The following TTLL1 variants were observed in gnomAD, a reference collection of about 807,000 sequenced individuals.
TTLL1 encodes TTL family tubulin polyglutamylase complex subunit L1, also known as polyglutamylase complex subunit TTLL1.
A neutral mutation model predicts 47.8 loss-of-function variants in TTLL1; 33 were observed. The ratio of observed to expected loss-of-function variants is 0.69; its 90% CI spans 0.52 to 0.92. The LOEUF (loss-of-function observed/expected upper bound fraction) is 0.92, where lower values mean the gene tolerates loss of function less well. Among genes scored for constraint, TTLL1 ranks in the 40% least tolerant of loss-of-function variants. The probability of loss-of-function intolerance (pLI) is 0.00; values close to 1 mark genes in which losing one functional copy is unlikely to be tolerated. For missense variants in TTLL1, 488 were observed against 547.5 expected, an observed-to-expected ratio of 0.89 and a Z score of 1.08; for synonymous variants, 225 against 214.1, an observed-to-expected ratio of 1.05 and a Z score of -0.45.
intron 8 of TTLL1, 159 bp from the exon 9 acceptor site, chr22:43,052,046 C>T (rs1293715114): frequency 4.6e-6 from 3 of 657,034 alleles, no homozygotes; most frequent in South Asian, 1.7e-5. Context: ...CTCCCTCTTC[C>T]TCCCGCAGAG....
intron 7 of TTLL1, among the ~76,000 whole-genome samples, chr22:43,061,312 C>T (rs1182869633): frequency 6.6e-6 from 1 of 152,254 alleles, no homozygotes; most frequent in East Asian, 1.9e-4. Flanking sequence ...GTGGAAGCCA[C>T]TTGGCCCCGG....
At chr22:43,074,715 CAAAAAAGA>C (rs1417242041) in intron 3 of TTLL1, among the ~76,000 whole-genome samples, 1 of 151,376 alleles carries the variant, frequency 6.6e-6, no homozygotes, top group Non-Finnish European at 1.5e-5. Context: ...GCTTTATGAC[CAAAAAAGA>C]AAAAAAGAAT....
rs1206806947 is a variant in TTLL1, at chr22:43,046,517, G to A, written c.1035C>T (p.Tyr345=). The change falls in exon 10 of 11, where the codon TAC becomes TAT. Residue 345 remains tyrosine (Y), a synonymous_variant. Coordinates refer to ENST00000266254, the MANE Select transcript of TTLL1 (RefSeq NM_012263.5). The part of the protein sequence containing the change: ...SSTANDRILK[Y]NLINDTLNIA... ...TGTTGAGGGTGTCATTAATCAGGTT[G>A]TACTTGAGGATTCGGTCATTGGCAG... 2.5e-6 allele frequency: 4 copies of A among 1,614,134 alleles called. No homozygotes were observed. The highest frequency in any genetic ancestry group is 3.4e-6 in the Non-Finnish European group (4 of 1,180,028).
chr22:43,060,758 AT>A (rs1301750229), intron 7 of TTLL1, among the ~76,000 whole-genome samples: 2 of 152,232 alleles, frequency 1.3e-5, no homozygotes, highest in African/African-American at 4.8e-5. Flanking sequence ...GAGCTAGAAA[AT>A]ACCCAAATGT....
chr22:43,044,100 C>T (rs1480044392), intron 10 of TTLL1, among the ~76,000 whole-genome samples: 5 of 152,082 alleles, frequency 3.3e-5, no homozygotes, highest in Non-Finnish European at 7.4e-5. Flanking sequence ...CCCTCCTCCC[C>T]GAGAGACTGC....
intron 8 of TTLL1, among the ~76,000 whole-genome samples, chr22:43,055,310 C>T (rs1472774918): frequency 2.0e-5 from 3 of 151,662 alleles, no homozygotes; most frequent in Non-Finnish European, 4.4e-5. Flanking sequence ...AGGCACTGTG[C>T]CTGGCCACGT....
chr22:43,076,584 T>C (rs1569445074), intron 2 of TTLL1, among the ~76,000 whole-genome samples: 1 of 150,890 alleles, frequency 6.6e-6, no homozygotes, highest in Non-Finnish European at 1.5e-5. Flanking sequence ...ACCCTGTCTC[T>C]ACTAAAAATA....
chr22:43,069,220 CAAAAAAA>C (rs66913313), intron 4 of TTLL1, among the ~76,000 whole-genome samples: 29 of 80,400 alleles, frequency 3.6e-4, no homozygotes, highest in Non-Finnish European at 5.8e-4. Flanking sequence ...ACTAAAAATA[CAAAAAAA>C]AAAAAAAAAA....
chr22:43,049,568 C>T (rs1926430135), intron 9 of TTLL1, among the ~76,000 whole-genome samples: 1 of 145,628 alleles, frequency 6.9e-6, no homozygotes, highest in Non-Finnish European at 1.5e-5. Context: ...CAAAAAAACC[C>T]AGCTTGCACA....
At chr22:43,061,273 G>C (rs2146972846) in intron 7 of TTLL1, among the ~76,000 whole-genome samples, 1 of 152,348 alleles carries the variant, frequency 6.6e-6, no homozygotes, top group Admixed American at 6.5e-5. Flanking sequence ...AGGAAGACCT[G>C]AAGGGGAAGC....
chr22:43,076,259 C>T (rs1411825539), intron 2 of TTLL1, among the ~76,000 whole-genome samples: 1 of 150,374 alleles, frequency 6.7e-6, no homozygotes, highest in African/African-American at 2.5e-5. Flanking sequence ...AGTTCAAGAC[C>T]AGCGTGGCCA....
At chr22:43,056,737 A>G (rs1408518669) in intron 8 of TTLL1, among the ~76,000 whole-genome samples, 4 of 151,840 alleles carry the variant, frequency 2.6e-5, no homozygotes, top group Non-Finnish European at 4.4e-5. Flanking sequence ...AGGAGCCAAG[A>G]TCGCGCCACT....
At position 43,059,535 on chromosome 22, in the gene TTLL1, C is replaced by T. The variant is rs747971888; in HGVS notation, c.748-8G>A. 20 of 1,609,602 alleles carry T rather than the reference C, an allele frequency of 1.2e-5. No individual in the cohort carries two copies. Among genetic ancestry groups the T allele is most frequent in the South Asian group, 4.4e-5 (4 of 90,456 alleles). The stretch of plus-strand genomic sequence containing the variant: ...GATGTGGTTGTAGTCCTCCTGGTGA[C>T]GGGAAAGCGGGCAGGCATCCCTCAG... On this transcript the variant is annotated splice_region_variant and splice_polypyrimidine_tract_variant and intron_variant, in intron 7 of 10. Coordinates refer to ENST00000266254, the MANE Select transcript of TTLL1 (RefSeq NM_012263.5).
At chr22:43,085,016 G>A (rs1929143741) in intron 1 of TTLL1, among the ~76,000 whole-genome samples, 1 of 142,504 alleles carries the variant, frequency 7.0e-6, no homozygotes, top group East Asian at 2.0e-4. Flanking sequence ...CGCCCAGGCT[G>A]GAGTGCAGTG....
chr22:43,079,465 A>G (rs62231652), intron 2 of TTLL1, among the ~76,000 whole-genome samples: 42,212 of 152,190 alleles, frequency 0.28, 6,935 homozygotes, highest in Non-Finnish European at 0.36. Context: ...TGGCTCAGGG[A>G]ACTTTTCATT....
chr22:43,068,066 G>A (rs990521081), intron 5 of TTLL1, among the ~76,000 whole-genome samples: 3 of 146,060 alleles, frequency 2.1e-5, no homozygotes, highest in Non-Finnish European at 3.0e-5. Context: ...CACCCACCTC[G>A]GCCTCCCAAA....
At chr22:43,082,881 G>T (rs1172131885) in intron 1 of TTLL1, among the ~76,000 whole-genome samples, 1 of 151,952 alleles carries the variant, frequency 6.6e-6, no homozygotes, top group Non-Finnish European at 1.5e-5. Flanking sequence ...GGGCATGGTG[G>T]CGGGCGCCTG....
chr22:43,084,920 G>A (rs7286595), intron 1 of TTLL1, among the ~76,000 whole-genome samples: 36,855 of 150,214 alleles, frequency 0.25, 5,022 homozygotes, highest in Middle Eastern at 0.38. Flanking sequence ...ACAGAGTAAG[G>A]AATGACAAAT....
Position 43,088,751 on chromosome 22 carries a change from G to A in TTLL1, c.-90+526C>T, listed in dbSNP as rs1929418115. On this transcript the variant is annotated intron_variant, in intron 1 of 10. Transcript: ENST00000266254. ...ATGCCAAAAGGGCTAACAATGATAA[G>A]ATACTTTCACTTCCAGAATTAATCT... Among the ~76,000 whole-genome samples the A allele has an allele frequency of 2.0e-5, 3 of 152,218 alleles. No individual in the cohort carries two copies. In the South Asian group the frequency reaches 6.2e-4, roughly 32 times the overall value.
Sources: allele counts gnomAD v4.1 joint callset (sites outside exome capture counted in the v4.1 genomes callset), GRCh38; gene constraint gnomAD v4.1.1; transcripts MANE v1.5; gene names NCBI Gene and HGNC (gene_info 2026-07-23, HGNC 2026-07-21).